Variants in CTNNA2 observed in about 807,000 individuals in gnomAD.
CTNNA2 encodes the protein catenin alpha 2, also known as catenin alpha-2.
CTNNA2 carries 42 observed loss-of-function variants against 101.0 expected under a neutral mutation model. The observed-to-expected ratio is 0.42, with a 90% confidence interval of 0.32 to 0.54. CTNNA2 has a LOEUF of 0.54. CTNNA2 is among the 20% of genes least tolerant of loss of function. CTNNA2 has a pLI of 0.14. For synonymous variants in CTNNA2, 450 were observed against 456.4 expected (o/e 0.99, Z 0.18); for missense variants, 871 against 1,223.1 (o/e 0.71, Z 4.29).
At chr2:79,616,552 C>T (rs1445981044) in intron 1 of CTNNA2, among the ~76,000 whole-genome samples, 1 of 152,164 alleles carries the variant, frequency 6.6e-6, no homozygotes, top group African/African-American at 2.4e-5. Context: ...AAAGAAGCTA[C>T]AACTTACCAT....
intron 14 of CTNNA2, among the ~76,000 whole-genome samples, chr2:80,585,321 A>C (rs1477458481): frequency 2.6e-5 from 4 of 152,168 alleles, no homozygotes; most frequent in Admixed American, 2.6e-4. Context: ...AATCACCGAA[A>C]AATGGTTGGT....
intron 1 of CTNNA2, among the ~76,000 whole-genome samples, chr2:79,531,147 A>G (rs1428470276): frequency 6.9e-6 from 1 of 145,840 alleles, no homozygotes; most frequent in Non-Finnish European, 1.5e-5. Context: ...GTTCTTTTGT[A>G]AGGGAAATGC....
chr2:80,009,509 G>A (rs536595138), intron 7 of CTNNA2, among the ~76,000 whole-genome samples: 181 of 152,142 alleles, frequency 1.2e-3, no homozygotes, highest in South Asian at 3.3e-3. Context: ...TTTGTACTTC[G>A]CAATATTCCC....
chr2:79,870,419 C>T (rs1373027856), intron 5 of CTNNA2, among the ~76,000 whole-genome samples: 1 of 137,204 alleles, frequency 7.3e-6, no homozygotes, highest in East Asian at 2.1e-4. Flanking sequence ...AGAGGAAATG[C>T]AGGGGTGGGG....
chr2:80,407,222 T>G (rs1679152630), intron 8 of CTNNA2, among the ~76,000 whole-genome samples: 1 of 152,202 alleles, frequency 6.6e-6, no homozygotes, highest in South Asian at 2.1e-4. Flanking sequence ...CCAGTCACAC[T>G]GATCACCTGG....
intron 7 of CTNNA2, among the ~76,000 whole-genome samples, chr2:80,374,756 G>A (rs1040946481): frequency 1.3e-5 from 2 of 151,088 alleles, no homozygotes; most frequent in African/African-American, 4.9e-5. Flanking sequence ...TATTGGATTA[G>A]GGCTGAGATC....
chr2:79,855,884 A>G (rs1681094002), intron 3 of CTNNA2, among the ~76,000 whole-genome samples: 1 of 152,214 alleles, frequency 6.6e-6, no homozygotes. Flanking sequence ...TTGGTGTATA[A>G]TGTTCTTTCT....
chr2:80,546,253 A>T (rs1232004318), intron 11 of CTNNA2, among the ~76,000 whole-genome samples, 190 bp downstream of exon 11: 1 of 152,224 alleles, frequency 6.6e-6, no homozygotes, highest in African/African-American at 2.4e-5. Flanking sequence ...TTATTTCAAG[A>T]CACGGAGTCA....
At chr2:79,942,759 T>A (rs1688240373) in intron 7 of CTNNA2, among the ~76,000 whole-genome samples, 1 of 152,238 alleles carries the variant, frequency 6.6e-6, no homozygotes, top group Admixed American at 6.5e-5. Flanking sequence ...TGGCAACACA[T>A]CTCTTTTGTG....
At chr2:79,792,637 T>G (rs1210609103) in intron 3 of CTNNA2, among the ~76,000 whole-genome samples, 2 of 152,166 alleles carry the variant, frequency 1.3e-5, no homozygotes, top group Non-Finnish European at 2.9e-5. Context: ...CTTGTGAAGT[T>G]TGGAAATAGT....
intron 9 of CTNNA2, among the ~76,000 whole-genome samples, chr2:80,478,630 G>C (rs573998383): frequency 6.6e-6 from 1 of 152,068 alleles, no homozygotes; most frequent in African/African-American, 2.4e-5. Context: ...TTGTTGAATA[G>C]AGTGTTCTTT....
chr2:79,310,925 T>C (rs760884366), intron 2 of CTNNA2, among the ~76,000 whole-genome samples: 13 of 152,224 alleles, frequency 8.5e-5, no homozygotes, highest in Non-Finnish European at 1.5e-4. Flanking sequence ...TGTGCTCAGA[T>C]TGGGCCACAG....
In CTNNA2 at chr2:80,254,972, T is replaced by G. The variant is rs1225383777; in HGVS notation, c.1057-138239T>G. On this transcript the variant is annotated intron_variant, in intron 7 of 18. Transcript: ENST00000402739. Reference sequence around the variant, plus strand: ...TTTCATATTCCTCCTCTTACTCTGCTATTCATGCAGAAATTGAACATAATG... The same window carrying G: ...TTTCATATTCCTCCTCTTACTCTGCGATTCATGCAGAAATTGAACATAATG... Among the ~76,000 whole-genome samples the G allele has an allele frequency of 2.0e-5, 3 of 152,084 alleles. No individual in the cohort carries two copies. In the East Asian group the frequency reaches 5.8e-4, roughly 29 times the overall value.
chr2:80,510,966 A>AC (rs11399216), intron 9 of CTNNA2, among the ~76,000 whole-genome samples: 61,153 of 151,912 alleles, frequency 0.4, 12,692 homozygotes, highest in South Asian at 0.46. Context: ...GCAAAGAGAC[A>AC]CTGTATTGCC....
chr2:79,197,442 T>G (rs1673976059), intron 1 of CTNNA2, among the ~76,000 whole-genome samples: 1 of 152,204 alleles, frequency 6.6e-6, no homozygotes. Flanking sequence ...ATTGACCAAG[T>G]CCTAACTTCT....
intron 7 of CTNNA2, among the ~76,000 whole-genome samples, chr2:80,067,635 A>G (rs1380083027): frequency 1.3e-5 from 2 of 152,236 alleles, no homozygotes; most frequent in Non-Finnish European, 2.9e-5. Context: ...ATAAATGTCA[A>G]GATATTCAAA....
chr2:79,817,441 A>C (rs1299702399), intron 3 of CTNNA2, among the ~76,000 whole-genome samples: 1 of 148,704 alleles, frequency 6.7e-6, no homozygotes, highest in Non-Finnish European at 1.5e-5. Context: ...GCCTGGGATC[A>C]GGCTCTCGTA....
At chr2:79,831,761 T>C (rs2105429426) in intron 3 of CTNNA2, among the ~76,000 whole-genome samples, 1 of 151,924 alleles carries the variant, frequency 6.6e-6, no homozygotes, top group South Asian at 2.1e-4. Flanking sequence ...TTTTAAATCG[T>C]TACCAAAGTA....
At chr2:79,253,411 G>A (rs991737530) in intron 2 of CTNNA2, among the ~76,000 whole-genome samples, 1 of 152,180 alleles carries the variant, frequency 6.6e-6, no homozygotes. Flanking sequence ...AAAGGCTACT[G>A]TTTGTTTTCT....
Sources: gnomAD v4.1 joint callset for allele counts (sites outside exome capture counted in the v4.1 genomes callset) on GRCh38, gnomAD v4.1.1 for gene constraint, MANE v1.5 for transcripts, NCBI Gene and HGNC (gene_info 2026-07-23, HGNC 2026-07-21) for gene names.